Variants in ZBTB16 observed in about 807,000 individuals in gnomAD.
ZBTB16 encodes the protein zinc finger and BTB domain containing 16.
Under a neutral mutation model 56.8 loss-of-function variants are expected in ZBTB16, and 8 were observed. The ratio of observed to expected loss-of-function variants is 0.14; its 90% CI spans 0.08 to 0.25. The LOEUF is 0.25. ZBTB16 is among the 10% of genes least tolerant of loss of function. The pLI, the probability that ZBTB16 is intolerant of heterozygous loss-of-function variation, is 1.00. For synonymous variants in ZBTB16, 363 were observed against 368.5 expected, an observed-to-expected ratio of 0.98 and a Z score of 0.17; for missense variants, 625 against 903.0, an observed-to-expected ratio of 0.69 and a Z score of 3.95.
At chr11:114,146,500 G>T (rs932972025) in intron 2 of ZBTB16, among the ~76,000 whole-genome samples, 48 of 152,160 alleles carry the variant, frequency 3.2e-4, no homozygotes, top group African/African-American at 1.1e-3. Flanking sequence ...TCCTCAGGAA[G>T]CCCTTTCAAA....
At chr11:114,094,429 TA>T (rs1940306053) in intron 2 of ZBTB16, among the ~76,000 whole-genome samples, 1 of 152,238 alleles carries the variant, frequency 6.6e-6, no homozygotes. Flanking sequence ...GATATTGGAA[TA>T]GGCCACTTTG....
Position 114,250,681 on chromosome 11 carries a change from G to T in ZBTB16, c.*126G>T. The T allele has an allele frequency of 8.8e-7, 1 of 1,134,788 alleles. No homozygotes were observed. Among genetic ancestry groups the T allele is most frequent in the East Asian group, 2.6e-5 (1 of 39,002 alleles). 70.3% of individuals were successfully genotyped at this position (1,134,788 alleles called of 1,614,324 possible). ...AAAAACAGAAGGAAAAGGAAACCTG[G>T]TAGCTTTTTGGCCTTGGATTCTCTC... On this transcript the variant is annotated 3_prime_UTR_variant, in exon 7 of 7. Transcript: ENST00000335953. This position sits in a 1 kb window ranked among gnomAD's most constrained non-coding sequence, Gnocchi z 6.0.
intron 2 of ZBTB16, among the ~76,000 whole-genome samples, chr11:114,076,739 G>A (rs765253016): frequency 1.3e-5 from 2 of 149,574 alleles, no homozygotes; most frequent in Non-Finnish European, 2.9e-5. Flanking sequence ...GAAGTTCAGT[G>A]TGGAAAACCA....
chr11:114,249,625 C>T (rs1031029820), intron 6 of ZBTB16, among the ~76,000 whole-genome samples: 4 of 144,436 alleles, frequency 2.8e-5, no homozygotes, highest in Admixed American at 6.9e-5. Flanking sequence ...ATTAGCCGGG[C>T]GCGGTGGCAG....
intron 2 of ZBTB16, among the ~76,000 whole-genome samples, chr11:114,083,597 A>G (rs893854709): frequency 2.0e-5 from 3 of 152,096 alleles, no homozygotes; most frequent in Non-Finnish European, 4.4e-5. Context: ...TCTTAGGGTG[A>G]TAGAATCCAC....
intron 2 of ZBTB16, among the ~76,000 whole-genome samples, chr11:114,155,516 T>C (rs1942388839): frequency 6.6e-6 from 1 of 152,148 alleles, no homozygotes; most frequent in Admixed American, 6.5e-5. Context: ...CTGTGACCGG[T>C]TGTTACTGGG....
At chr11:114,227,942 C>CAT (rs773962042) in intron 4 of ZBTB16, among the ~76,000 whole-genome samples, 3 of 152,094 alleles carry the variant, frequency 2.0e-5, no homozygotes, top group Non-Finnish European at 4.4e-5. Flanking sequence ...GTCATGCAAC[C>CAT]ATCAACACAC....
At chr11:114,201,425 C>T (rs1195336024) in intron 4 of ZBTB16, among the ~76,000 whole-genome samples, 5 of 152,144 alleles carry the variant, frequency 3.3e-5, no homozygotes, top group Non-Finnish European at 4.4e-5. Context: ...TCTCAACCAC[C>T]GACCGCCGTG....
chr11:114,067,900 C>T (rs1328866121), intron 2 of ZBTB16, among the ~76,000 whole-genome samples: 1 of 151,880 alleles, frequency 6.6e-6, no homozygotes, highest in East Asian at 1.9e-4. Context: ...TTGTAGAAGG[C>T]TTTTTTTCTC....
intron 4 of ZBTB16, among the ~76,000 whole-genome samples, chr11:114,215,251 C>T (rs1226831366): frequency 2.0e-5 from 3 of 152,216 alleles, no homozygotes; most frequent in African/African-American, 7.2e-5. Flanking sequence ...CACTGGCTGC[C>T]TGCCGTAAAA....
At chr11:114,111,365 GTTTA>G (rs1187319200) in intron 2 of ZBTB16, among the ~76,000 whole-genome samples, 1 of 152,106 alleles carries the variant, frequency 6.6e-6, no homozygotes, top group African/African-American at 2.4e-5. Context: ...TCCTTAGATG[GTTTA>G]TTTCTTTCTT....
At chr11:114,131,906 T>A (rs1034854980) in intron 2 of ZBTB16, among the ~76,000 whole-genome samples, 1 of 152,186 alleles carries the variant, frequency 6.6e-6, no homozygotes, top group Admixed American at 6.5e-5. Flanking sequence ...ATGGGGAGAT[T>A]TTGCATGCTC....
At chr11:114,124,650 C>T (rs145873299) in intron 2 of ZBTB16, among the ~76,000 whole-genome samples, 1 of 152,150 alleles carries the variant, frequency 6.6e-6, no homozygotes, top group East Asian at 1.9e-4. Context: ...CCATTTCGGC[C>T]ACTGGCAAAT....
In ZBTB16 at chr11:114,222,490, C is replaced by G. The variant is rs552988154; in HGVS notation, c.1454-19677C>G. 1.3e-3 allele frequency among the ~76,000 whole-genome samples: 201 copies of G among 152,156 alleles called. 6 individuals carry two copies. In the South Asian group the frequency reaches 0.04, roughly 30 times the overall value. Reference sequence around the variant, plus strand: ...GAAACCTGAATGGATATGACAAGGACGAGGGATCCTTTGTCCGGGAGCTGG... The same window carrying G: ...GAAACCTGAATGGATATGACAAGGAGGAGGGATCCTTTGTCCGGGAGCTGG... On this transcript the variant is annotated intron_variant, in intron 4 of 6. Transcript: ENST00000335953.
intron 2 of ZBTB16, among the ~76,000 whole-genome samples, chr11:114,129,489 G>C (rs1418476654): frequency 6.6e-6 from 1 of 152,170 alleles, no homozygotes; most frequent in Admixed American, 6.5e-5. Context: ...CCTTACGCAG[G>C]CTCCCAGCAC....
rs873097 is a variant in ZBTB16, at chr11:114,146,461, C to T, written c.1269-9876C>T. 9.9e-3 allele frequency among the ~76,000 whole-genome samples: 1,509 copies of T among 152,212 alleles called. 20 individuals carry two copies. Among genetic ancestry groups the T allele is most frequent in the African/African-American group, 0.034 (1,427 of 41,512 alleles). On this transcript the variant is annotated intron_variant, in intron 2 of 6. Transcript: ENST00000335953. ...ATCCACAAAATGGGCTCTATACTGT[C>T]CATGTCAGCCACAGGGTGGTTGAGA... is the stretch of plus-strand genomic sequence containing the variant.
intron 4 of ZBTB16, among the ~76,000 whole-genome samples, chr11:114,208,495 G>C (rs1247757784): frequency 2.0e-5 from 3 of 152,072 alleles, no homozygotes; most frequent in African/African-American, 7.2e-5. Flanking sequence ...CTTAGAACAG[G>C]GTAGGGTCTT....
intron 4 of ZBTB16, chr11:114,237,273 G>A (rs1355865823): frequency 6.6e-6 from 1 of 152,236 alleles, no homozygotes; most frequent in Non-Finnish European, 1.5e-5. Context: ...CGATGTTCTT[G>A]ATAACCACAG....
chr11:114,232,391 A>G (rs770362850), intron 4 of ZBTB16, among the ~76,000 whole-genome samples: 1 of 152,116 alleles, frequency 6.6e-6, no homozygotes, highest in South Asian at 2.1e-4. Flanking sequence ...TTTCTACAGA[A>G]CAAGCAGTGT....
Sources: gnomAD v4.1 joint callset for allele counts (sites outside exome capture counted in the v4.1 genomes callset) on GRCh38, gnomAD v4.1.1 for gene constraint, Gnocchi (gnomAD v3.1) non-coding constraint, MANE v1.5 for transcripts, NCBI Gene and HGNC (gene_info 2026-07-23, HGNC 2026-07-21) for gene names.